The following ASTN2 variants were observed in gnomAD, a reference collection of about 807,000 sequenced individuals.
ASTN2 encodes astrotactin-2.
A neutral mutation model predicts 139.8 loss-of-function variants in ASTN2; 54 were observed. That is an observed-to-expected ratio of 0.39 (90% CI 0.31 to 0.48). The LOEUF (loss-of-function observed/expected upper bound fraction) is 0.48, where lower values mean the gene tolerates loss of function less well. Ranked by LOEUF, ASTN2 falls within the 20% of genes least tolerant of loss-of-function variation. The probability of loss-of-function intolerance (pLI) is 0.95; values close to 1 mark genes in which losing one functional copy is unlikely to be tolerated. For missense variants in ASTN2, 1,565 were observed against 1,725.1 expected (o/e 0.91, Z 1.64); for synonymous variants, 756 against 719.5 (o/e 1.05, Z -0.81).
At chr9:117,207,102 T>C (rs900371484) in intron 3 of ASTN2, among the ~76,000 whole-genome samples, 5 of 151,964 alleles carry the variant, frequency 3.3e-5, no homozygotes, top group Non-Finnish European at 7.4e-5. Flanking sequence ...CGCACCTACA[T>C]ACCAGGCATG....
At chr9:116,452,897 A>G (rs1016623170) in intron 20 of ASTN2, among the ~76,000 whole-genome samples, 1 of 152,148 alleles carries the variant, frequency 6.6e-6, no homozygotes, top group Non-Finnish European at 1.5e-5. Context: ...TCCTTTCAAC[A>G]CTGACATCAC....
intron 1 of ASTN2, among the ~76,000 whole-genome samples, chr9:117,360,339 T>C (rs1410590732): frequency 6.6e-6 from 1 of 151,512 alleles, no homozygotes; most frequent in Non-Finnish European, 1.5e-5. Context: ...CAAGAAAGAG[T>C]CCAGGGAATA....
intron 22 of ASTN2, 77 bp from the exon 23 acceptor site, chr9:116,426,165 CA>C (rs1208776705): frequency 3.2e-6 from 5 of 1,555,794 alleles, no homozygotes; most frequent in Non-Finnish European, 4.4e-6. Context: ...TAAATGTCAA[CA>C]AACAAATGGT....
At chr9:117,101,443 A>G (rs1828975679) in intron 4 of ASTN2, among the ~76,000 whole-genome samples, 2 of 152,176 alleles carry the variant, frequency 1.3e-5, no homozygotes, top group South Asian at 4.1e-4. Flanking sequence ...GACTGGCAAG[A>G]AAAAAGAAGA....
At chr9:116,864,394 T>G (rs936002378) in intron 10 of ASTN2, among the ~76,000 whole-genome samples, 2 of 152,174 alleles carry the variant, frequency 1.3e-5, no homozygotes, top group East Asian at 1.9e-4. Flanking sequence ...CAGCAACAGT[T>G]GTTGGAAAGG....
chr9:117,356,837 T>C (rs977369707), intron 1 of ASTN2, among the ~76,000 whole-genome samples: 2 of 151,876 alleles, frequency 1.3e-5, no homozygotes, highest in African/African-American at 4.8e-5. Flanking sequence ...CTGAGGTGGG[T>C]GAATCACTTG....
intron 10 of ASTN2, among the ~76,000 whole-genome samples, chr9:116,956,094 C>CTTTTTTTT (rs71379245): frequency 1.7e-5 from 2 of 119,140 alleles, no homozygotes; most frequent in African/African-American, 3.1e-5. Context: ...TTTTTCTTTT[C>CTTTTTTTT]TTTTTTTTTT....
At chr9:116,590,572 G>A (rs1257602902) in intron 19 of ASTN2, among the ~76,000 whole-genome samples, 1 of 152,216 alleles carries the variant, frequency 6.6e-6, no homozygotes, top group African/African-American at 2.4e-5. Flanking sequence ...TTCCTGTGTG[G>A]AAAGGGGCAG....
At chr9:116,664,354 T>C (rs1858739458) in intron 16 of ASTN2, among the ~76,000 whole-genome samples, 1 of 151,242 alleles carries the variant, frequency 6.6e-6, no homozygotes, top group South Asian at 2.1e-4. Flanking sequence ...GTGTTGGGAT[T>C]ACAGTGTGAG....
intron 7 of ASTN2, among the ~76,000 whole-genome samples, chr9:116,986,251 T>C (rs1836679724): frequency 6.8e-6 from 1 of 148,120 alleles, no homozygotes; most frequent in Admixed American, 6.8e-5. Flanking sequence ...CTTCCTGCTG[T>C]GTTAGTTCCT....
intron 14 of ASTN2, among the ~76,000 whole-genome samples, chr9:116,732,075 C>A (rs181237298): frequency 1.3e-5 from 2 of 152,228 alleles, no homozygotes; most frequent in African/African-American, 2.4e-5. Context: ...CTTTTACATC[C>A]ATCATTTCAT....
intron 2 of ASTN2, among the ~76,000 whole-genome samples, chr9:117,256,617 A>T (rs1833693686): frequency 6.6e-6 from 1 of 152,192 alleles, no homozygotes; most frequent in Non-Finnish European, 1.5e-5. Flanking sequence ...TTGATGTAAG[A>T]TCAAATAATG....
At chr9:117,118,927 CCT>C (rs1232207388) in intron 4 of ASTN2, among the ~76,000 whole-genome samples, 1 of 152,090 alleles carries the variant, frequency 6.6e-6, no homozygotes, top group African/African-American at 2.4e-5. Flanking sequence ...ATCTTTTTAC[CCT>C]GTTTTATTTT....
At chr9:116,454,690 C>T (rs1848274915) in intron 20 of ASTN2, among the ~76,000 whole-genome samples, 2 of 152,140 alleles carry the variant, frequency 1.3e-5, no homozygotes, top group Non-Finnish European at 2.9e-5. Flanking sequence ...ACATATATAC[C>T]ATGGAATACT....
intron 13 of ASTN2, among the ~76,000 whole-genome samples, chr9:116,777,495 C>T (rs4836852): frequency 0.82 from 124,546 of 152,004 alleles, 51,976 homozygotes; most frequent in Non-Finnish European, 0.91. Flanking sequence ...GGTATACTCT[C>T]TTCTCTGACC....
At chr9:116,860,697 C>T (rs559028634) in intron 11 of ASTN2, among the ~76,000 whole-genome samples, 1 of 152,318 alleles carries the variant, frequency 6.6e-6, no homozygotes, top group Admixed American at 6.5e-5. Flanking sequence ...TGGTCTTGGT[C>T]CTCCACCCTG....
intron 19 of ASTN2, among the ~76,000 whole-genome samples, chr9:116,554,202 A>C (rs1852486463): frequency 6.6e-6 from 1 of 152,174 alleles, no homozygotes; most frequent in Non-Finnish European, 1.5e-5. Flanking sequence ...TCGTAATGAT[A>C]CCACAGAGAC....
intron 13 of ASTN2, among the ~76,000 whole-genome samples, chr9:116,791,048 GA>G (rs1275178140): frequency 7.6e-5 from 11 of 145,584 alleles, no homozygotes; most frequent in African/African-American, 2.3e-4. Flanking sequence ...AGAAAGAAAA[GA>G]AAAGAAAGAA....
intron 19 of ASTN2, among the ~76,000 whole-genome samples, chr9:116,565,407 A>ATTTATTTATT (rs1853167245): frequency 9.1e-6 from 1 of 109,382 alleles, no homozygotes; most frequent in African/African-American, 3.6e-5. Flanking sequence ...ATATATATAT[A>ATTTATTTATT]TATATATATA....
Sources: allele counts gnomAD v4.1 joint callset (sites outside exome capture counted in the v4.1 genomes callset), GRCh38; gene constraint gnomAD v4.1.1; transcripts MANE v1.5; gene names NCBI Gene and HGNC (gene_info 2026-07-23, HGNC 2026-07-21).